ARID1B: variants seen among roughly 807,000 people sequenced by gnomAD.
The protein encoded by ARID1B is AT-rich interactive domain-containing protein 1B.
In ARID1B, 30 loss-of-function variants were observed where a neutral mutation model predicts 212.3. The ratio of observed to expected loss-of-function variants is 0.14; its 90% CI spans 0.11 to 0.19. The LOEUF (loss-of-function observed/expected upper bound fraction) is 0.19. ARID1B is among the 10% of genes least tolerant of loss of function. ARID1B has a pLI of 1.00. For synonymous variants in ARID1B, 1,402 were observed against 1,301.7 expected, an observed-to-expected ratio of 1.08 and a Z score of -1.66; for missense variants, 2,891 against 3,204.0, an observed-to-expected ratio of 0.90 and a Z score of 2.36.
chr6:157,199,708 G>T (rs1372346163), intron 17 of ARID1B, among the ~76,000 whole-genome samples: 1 of 152,002 alleles, frequency 6.6e-6, no homozygotes, highest in South Asian at 2.1e-4. Flanking sequence ...GTCTCGCTCT[G>T]TCTGGAATCC....
chr6:157,188,888 G>T (rs1793164593), intron 13 of ARID1B, among the ~76,000 whole-genome samples: 1 of 152,070 alleles, frequency 6.6e-6, no homozygotes, highest in Non-Finnish European at 1.5e-5. Context: ...ATTTTTCCAA[G>T]AGTCCCACAT....
At chr6:156,913,920 C>T (rs1450523351) in intron 3 of ARID1B, among the ~76,000 whole-genome samples, 1 of 147,220 alleles carries the variant, frequency 6.8e-6, no homozygotes, top group African/African-American at 2.5e-5. Flanking sequence ...CCCCGGTGAT[C>T]CCATTCCACT....
intron 4 of ARID1B, among the ~76,000 whole-genome samples, chr6:157,039,694 C>CTTCCTTCCTTCCTTCT (rs1554287218): frequency 9.8e-4 from 57 of 58,436 alleles, no homozygotes; most frequent in African/African-American, 3.0e-3. Flanking sequence ...TCCTTCCTTC[C>CTTCCTTCCTTCCTTCT]TTCTTTCTTT....
At chr6:156,807,087 C>A (rs975082898) in intron 1 of ARID1B, among the ~76,000 whole-genome samples, 3 of 152,198 alleles carry the variant, frequency 2.0e-5, no homozygotes, top group African/African-American at 7.2e-5. Flanking sequence ...AGCTTGCCAA[C>A]CCCTGGACAG....
intron 15 of ARID1B, among the ~76,000 whole-genome samples, chr6:157,191,323 G>A (rs1793355623): frequency 6.6e-6 from 1 of 152,074 alleles, no homozygotes; most frequent in South Asian, 2.1e-4. Flanking sequence ...TGACTGGGCG[G>A]GTGAAGACAT....
At chr6:156,991,391 T>C (rs903385633) in intron 4 of ARID1B, among the ~76,000 whole-genome samples, 3 of 152,098 alleles carry the variant, frequency 2.0e-5, no homozygotes, top group Non-Finnish European at 4.4e-5. Flanking sequence ...TCACCATGTC[T>C]GGCTAATTTT....
chr6:157,176,446 G>C (rs967665113), intron 11 of ARID1B, among the ~76,000 whole-genome samples: 1 of 152,162 alleles, frequency 6.6e-6, no homozygotes. Context: ...AATCAGTAAT[G>C]CTCTCAAGTT....
intron 1 of ARID1B, among the ~76,000 whole-genome samples, chr6:156,810,989 AG>A (rs1436353122): frequency 2.0e-5 from 3 of 152,162 alleles, no homozygotes; most frequent in East Asian, 3.9e-4. Context: ...GCTGTAATCC[AG>A]GTGTCAGCCG....
At chr6:156,915,910 C>T (rs1486004495) in intron 3 of ARID1B, among the ~76,000 whole-genome samples, 1 of 151,106 alleles carries the variant, frequency 6.6e-6, no homozygotes, top group Non-Finnish European at 1.5e-5. Flanking sequence ...AAAAAAAAAG[C>T]CCCACCTCTT....
At chr6:156,981,768 A>T (rs538933296) in intron 4 of ARID1B, among the ~76,000 whole-genome samples, 1 of 152,250 alleles carries the variant, frequency 6.6e-6, no homozygotes, top group African/African-American at 2.4e-5. Context: ...GTAATACTAT[A>T]ATAACTTAGT....
chr6:157,104,276 G>C (rs1181808555), intron 5 of ARID1B, among the ~76,000 whole-genome samples: 1 of 152,220 alleles, frequency 6.6e-6, no homozygotes, highest in South Asian at 2.1e-4. Flanking sequence ...ATGGTAAAAT[G>C]TATATGCTTT....
rs1429292576 is a variant in ARID1B, at chr6:156,778,333, CCAA to C, written c.662_664del (p.Asn221del). On this transcript the variant is annotated inframe_deletion, in exon 1 of 20. Coordinates refer to ENST00000636930, the MANE Select transcript of ARID1B (RefSeq NM_001374828.1). ...CAGCAGCAACAGCAACATCCCATTT[CCAA>C]CAACAACAGCTTGGGCGGCGCGGGC... The C allele has an allele frequency of 1.7e-4, 257 of 1,543,028 alleles. 2 individuals carry two copies. The highest frequency in any genetic ancestry group is 1.3e-3 in the Admixed American group (64 of 50,936).
chr6:157,110,402 T>G, intron 5 of ARID1B, 70 bp from the exon 6 acceptor site: 1 of 1,353,000 alleles, frequency 7.4e-7, no homozygotes, highest in Non-Finnish European at 1.1e-6. Context: ...GGCTGTGTCT[T>G]GGTTTTGCAT....
chr6:156,779,423 C>G lies in ARID1B; in HGVS notation c.1743C>G (p.His581Gln). 1 of 1,466,242 alleles carries G rather than the reference C, an allele frequency of 6.8e-7. No homozygotes were observed. The highest frequency in any genetic ancestry group is 9.0e-7 in the Non-Finnish European group (1 of 1,107,138). 90.8% of individuals were successfully genotyped at this position (1,466,242 alleles called of 1,614,324 possible). Residue 581 changes from histidine (H) to glutamine (Q), a missense_variant, in exon 1 of 20, where the codon CAC (histidine) becomes CAG (glutamine). Physicochemically the swap from His to Gln is conservative, Grantham distance 24. Transcript: ENST00000636930. ...GGGCGGCCGCGCAACAAAGGAGTCA[C>G]CCGGCGATGAGCCCCGGCACCCCCG... is the stretch of plus-strand genomic sequence containing the variant. ...PAWAAAQQRS[H>Q]PAMSPGTPGP...
chr6:156,861,982 G>A (rs1364762883), intron 2 of ARID1B, among the ~76,000 whole-genome samples: 1 of 152,220 alleles, frequency 6.6e-6, no homozygotes, highest in African/African-American at 2.4e-5. Flanking sequence ...TGATTTTCCA[G>A]TGTGCAGCGT....
chr6:157,123,348 G>T (rs1787908821), intron 6 of ARID1B, among the ~76,000 whole-genome samples: 1 of 150,984 alleles, frequency 6.6e-6, no homozygotes, highest in African/African-American at 2.4e-5. Context: ...GCTGTTGGTT[G>T]AGTGGCCTAA....
chr6:157,105,815 T>G (rs1437751746), intron 5 of ARID1B, among the ~76,000 whole-genome samples: 1 of 152,166 alleles, frequency 6.6e-6, no homozygotes, highest in Non-Finnish European at 1.5e-5. Context: ...TTGGTCAGGC[T>G]GGTCTTGAAC....
At chr6:157,109,634 C>A (rs1266091403) in intron 5 of ARID1B, among the ~76,000 whole-genome samples, 1 of 152,222 alleles carries the variant, frequency 6.6e-6, no homozygotes, top group Admixed American at 6.5e-5. Context: ...TCAGCTACCT[C>A]TGATGATTTT....
rs2114999161 is a variant in ARID1B, at chr6:156,779,217, A to G, written c.1537A>G (p.Met513Val). ...NQLLTSPSPM[M>V]RSYGGSYPEY... ...GCTGCTCACCTCGCCCAGCCCCATG[A>G]TGCGGAGCTACGGCGGCAGCTACCC... The change falls in exon 1 of 20, where the codon ATG (methionine) becomes GTG (valine). Residue 513 changes from methionine to valine, a missense_variant. Around this residue, in one of 7 missense-constraint regions of ARID1B, gnomAD observed 1,643 missense variants for 1,544.0 expected, o/e 1.06. Coordinates refer to ENST00000636930, the MANE Select transcript of ARID1B (RefSeq NM_001374828.1). 7.9e-7 allele frequency: 1 copy of G among 1,265,652 alleles called. No homozygotes were observed. Among genetic ancestry groups the G allele is most frequent in the Non-Finnish European group, 1.0e-6 (1 of 996,120 alleles). 78.4% of individuals were successfully genotyped at this position (1,265,652 alleles called of 1,614,324 possible).
Sources: gnomAD v4.1 joint callset for allele counts (sites outside exome capture counted in the v4.1 genomes callset) on GRCh38, gnomAD v4.1.1 for gene constraint, gnomAD v4.1.1 regional missense constraint, MANE v1.5 for transcripts, NCBI Gene and HGNC (gene_info 2026-07-23, HGNC 2026-07-21) for gene names.